TRIO: variants seen among roughly 807,000 people sequenced by gnomAD.
The protein encoded by TRIO is trio Rho guanine nucleotide exchange factor.
In TRIO, 58 loss-of-function variants were observed where a neutral mutation model predicts 351.9. The ratio of observed to expected loss-of-function variants is 0.16; its 90% CI spans 0.13 to 0.21. The LOEUF is 0.21. TRIO is among the 10% of genes least tolerant of loss of function. The probability of loss-of-function intolerance (pLI) is 1.00; values close to 1 mark genes in which losing one functional copy is unlikely to be tolerated. For synonymous variants in TRIO, 1,758 were observed against 1,595.7 expected (o/e 1.10, Z -2.42); for missense variants, 3,201 against 4,027.8 (o/e 0.79, Z 5.56).
Position 14,471,717 on chromosome 5 carries a change from G to A in TRIO, c.5912+251G>A, listed in dbSNP as rs79169387. Among the ~76,000 whole-genome samples, 3,216 of 152,254 alleles carry A rather than the reference G, an allele frequency of 0.021. 59 individuals carry two copies. Among genetic ancestry groups the A allele is most frequent in the Non-Finnish European group, 0.03 (2,052 of 68,018 alleles). On this transcript the variant is annotated intron_variant, in intron 38 of 56. Coordinates refer to ENST00000344204, the MANE Select transcript of TRIO (RefSeq NM_007118.4). ...ATGATGCAAGACAAAAATGTCTTCT[G>A]CCACATGTGGTGAGAAACTCCTAGA... is the stretch of plus-strand genomic sequence containing the variant.
intron 49 of TRIO, among the ~76,000 whole-genome samples, 164 bp from the exon 50 acceptor site, chr5:14,496,714 TA>T (rs200664777): frequency 1.3e-5 from 2 of 151,938 alleles, no homozygotes; most frequent in Non-Finnish European, 2.9e-5. Context: ...TCCTGGTTCT[TA>T]AAAAAAAGGA....
chr5:14,506,671 C>T (rs1238114054), intron 55 of TRIO, among the ~76,000 whole-genome samples: 2 of 151,920 alleles, frequency 1.3e-5, no homozygotes, highest in Admixed American at 6.6e-5. Flanking sequence ...CAACACTGAG[C>T]ACTCAGTGTG....
At chr5:14,150,659 G>A (rs1263531191) in intron 1 of TRIO, among the ~76,000 whole-genome samples, 1 of 152,146 alleles carries the variant, frequency 6.6e-6, no homozygotes, top group Non-Finnish European at 1.5e-5. Context: ...CATAATCGAG[G>A]AAATGCAGAT....
chr5:14,333,474 C>T (rs183072323), intron 10 of TRIO, among the ~76,000 whole-genome samples: 1 of 152,262 alleles, frequency 6.6e-6, no homozygotes, highest in Admixed American at 6.5e-5. Flanking sequence ...TGTCCTGGCC[C>T]ATCATTCTTC....
intron 1 of TRIO, among the ~76,000 whole-genome samples, chr5:14,225,795 C>CCA (rs1554036829): frequency 1.6e-4 from 21 of 128,676 alleles, no homozygotes; most frequent in African/African-American, 5.4e-4. Flanking sequence ...TGCTCCCACC[C>CCA]CCCCCCCCAC....
chr5:14,487,914 G>A lies in TRIO; in HGVS notation c.7286G>A (p.Ser2429Asn). 1 of 1,539,072 alleles carries A rather than the reference G, an allele frequency of 6.5e-7. No homozygotes were observed. Among genetic ancestry groups the A allele is most frequent in the Non-Finnish European group, 8.7e-7 (1 of 1,143,156 alleles). The change falls in exon 48 of 57, where the codon AGC becomes AAC. Residue 2429 changes from serine (S) to asparagine (N), a missense_variant. Physicochemically the swap from Ser to Asn is conservative, Grantham distance 46 (BLOSUM62 1). Transcript: ENST00000344204. The stretch of plus-strand genomic sequence containing the variant: ...GGCGCCGCGAACGCCTCGGGGTCGA[G>A]CCCAGACGCCCCCGCCAAGGACGCG... ...RKGAANASGS[S>N]PDAPAKDARA...
intron 34 of TRIO, among the ~76,000 whole-genome samples, chr5:14,430,379 A>C (rs963640618): frequency 3.3e-5 from 5 of 152,198 alleles, no homozygotes; most frequent in African/African-American, 1.2e-4. Context: ...TATGTAAATC[A>C]TCTTTCATCA....
intron 9 of TRIO, 133 bp from the exon 10 acceptor site, chr5:14,330,645 C>G: frequency 4.5e-6 from 5 of 1,123,178 alleles, no homozygotes; most frequent in Non-Finnish European, 3.6e-6. Flanking sequence ...TACTTCTTCC[C>G]ATTTTTTTTT....
chr5:14,348,850 C>CGT (rs1742712197), intron 11 of TRIO, among the ~76,000 whole-genome samples: 2 of 24,636 alleles, frequency 8.1e-5, no homozygotes, highest in African/African-American at 4.6e-4. Flanking sequence ...CGCACGTGAG[C>CGT]ATGTTTTTCC....
At chr5:14,406,733 G>A (rs1748754156) in intron 33 of TRIO, 61 bp downstream of exon 33, 2 of 1,516,186 alleles carry the variant, frequency 1.3e-6, no homozygotes, top group African/African-American at 1.4e-5. Flanking sequence ...GGTCAAAGCA[G>A]CCCCCTCCTT....
chr5:14,438,573 GT>G (rs1751779155), intron 34 of TRIO, among the ~76,000 whole-genome samples: 1 of 152,124 alleles, frequency 6.6e-6, no homozygotes, highest in Non-Finnish European at 1.5e-5. Flanking sequence ...TCTTCCCACG[GT>G]CTGTTGAGGT....
At chr5:14,355,178 T>C (rs902354773) in intron 11 of TRIO, among the ~76,000 whole-genome samples, 3 of 152,208 alleles carry the variant, frequency 2.0e-5, no homozygotes, top group African/African-American at 4.8e-5. Flanking sequence ...TAAGTAGAAA[T>C]GTCCATGGAT....
chr5:14,416,855 G>T (rs1465780015), intron 33 of TRIO, among the ~76,000 whole-genome samples: 1 of 152,182 alleles, frequency 6.6e-6, no homozygotes. Flanking sequence ...ACTTCCCAGC[G>T]TCTGGGAGTG....
intron 8 of TRIO, among the ~76,000 whole-genome samples, chr5:14,314,982 A>G: frequency 6.6e-6 from 1 of 152,212 alleles, no homozygotes; most frequent in East Asian, 1.9e-4. Context: ...TAAACCCTGA[A>G]GCCTTCGTAA....
intron 21 of TRIO, among the ~76,000 whole-genome samples, chr5:14,384,826 T>G (rs754626270): frequency 2.0e-5 from 3 of 151,936 alleles, no homozygotes; most frequent in Non-Finnish European, 4.4e-5. Flanking sequence ...ATAAGGAACA[T>G]CTAAAGTTAA....
intron 1 of TRIO, among the ~76,000 whole-genome samples, chr5:14,194,198 TC>T (rs1276244749): frequency 1.3e-5 from 2 of 152,238 alleles, no homozygotes; most frequent in Non-Finnish European, 2.9e-5. Context: ...TTTTACTACT[TC>T]CTGGCATGTA....
At chr5:14,352,250 C>A (rs772723689) in intron 11 of TRIO, among the ~76,000 whole-genome samples, 150 of 152,324 alleles carry the variant, frequency 9.8e-4, no homozygotes, top group Non-Finnish European at 1.6e-3. Flanking sequence ...TAGAGATGGC[C>A]AGCAATAGCT....
chr5:14,181,436 C>G (rs1298216463), intron 1 of TRIO, among the ~76,000 whole-genome samples: 3 of 152,184 alleles, frequency 2.0e-5, no homozygotes, highest in Non-Finnish European at 2.9e-5. Flanking sequence ...CTGGGGGGTC[C>G]CTGGCACTGT....
intron 9 of TRIO, among the ~76,000 whole-genome samples, chr5:14,327,761 A>G (rs1051401556): frequency 6.6e-6 from 1 of 152,232 alleles, no homozygotes; most frequent in Non-Finnish European, 1.5e-5. Context: ...AATTCTTTTC[A>G]AGCTAGAAAT....
Sources: allele counts gnomAD v4.1 joint callset (sites outside exome capture counted in the v4.1 genomes callset), GRCh38; gene constraint gnomAD v4.1.1; transcripts MANE v1.5; gene names NCBI Gene and HGNC (gene_info 2026-07-23, HGNC 2026-07-21).